ATP2B2: variants seen among roughly 807,000 people sequenced by gnomAD.
ATP2B2 encodes plasma membrane calcium-transporting ATPase 2.
In ATP2B2, 15 loss-of-function variants were observed where a neutral mutation model predicts 120.0. The ratio of observed to expected loss-of-function variants is 0.12; its 90% CI spans 0.08 to 0.19. ATP2B2 has a LOEUF of 0.19. Among genes scored for constraint, ATP2B2 ranks in the 10% least tolerant of loss-of-function variants. ATP2B2 has a pLI of 1.00. For synonymous variants in ATP2B2, 694 were observed against 700.3 expected (o/e 0.99, Z 0.14); for missense variants, 1,045 against 1,719.8 (o/e 0.61, Z 6.94).
chr3:10,501,258 C>T (rs1443698520), intron 1 of ATP2B2, among the ~76,000 whole-genome samples: 1 of 152,234 alleles, frequency 6.6e-6, no homozygotes, highest in Non-Finnish European at 1.5e-5. Context: ...CCGCTTCCCC[C>T]TGCCTCCCGC....
chr3:10,467,819 C>A (rs1395515070), intron 1 of ATP2B2, among the ~76,000 whole-genome samples: 2 of 152,110 alleles, frequency 1.3e-5, no homozygotes, highest in Admixed American at 6.5e-5. Flanking sequence ...AGCGTGAGAG[C>A]AGCAAAGTTT....
chr3:10,476,167 T>C (rs748699028), intron 1 of ATP2B2, among the ~76,000 whole-genome samples: 1 of 152,186 alleles, frequency 6.6e-6, no homozygotes, highest in Non-Finnish European at 1.5e-5. Flanking sequence ...CTGGTGAAAC[T>C]GGGAAGCATT....
At chr3:10,579,165 G>A (rs1158005971) in intron 2 of ATP2B2, among the ~76,000 whole-genome samples, 1 of 152,212 alleles carries the variant, frequency 6.6e-6, no homozygotes. Flanking sequence ...CATGAGTCCT[G>A]CTCATAGTGG....
chr3:10,427,356 C>T (rs1314616674), intron 2 of ATP2B2, among the ~76,000 whole-genome samples: 1 of 152,192 alleles, frequency 6.6e-6, no homozygotes, highest in Non-Finnish European at 1.5e-5. Flanking sequence ...GGTCATCACA[C>T]GAATTCGGAC....
At chr3:10,349,793 C>T (rs190670609) in intron 16 of ATP2B2, among the ~76,000 whole-genome samples, 94 of 152,214 alleles carry the variant, frequency 6.2e-4, no homozygotes, top group Middle Eastern at 3.4e-3. Flanking sequence ...TTTAAAAAGG[C>T]GCTGTACCGG....
rs184062138 is a variant in ATP2B2 at position 10,431,502 on chromosome 3, T to C, written c.199+17843A>G. 1.7e-3 allele frequency among the ~76,000 whole-genome samples: 252 copies of C among 152,288 alleles called. 2 individuals are homozygous for C. Among genetic ancestry groups the C allele is most frequent in the African/African-American group, 5.6e-3 (233 of 41,558 alleles). ...CTCAGACAATTGGTAGCATTGTGAG[T>C]GTGTGACTCACTTTATTGTGATATT... On this transcript the variant is annotated intron_variant, in intron 2 of 22. Coordinates refer to ENST00000360273, the MANE Select transcript of ATP2B2 (RefSeq NM_001001331.4).
At chr3:10,585,530 G>C (rs1431572591) in intron 2 of ATP2B2, among the ~76,000 whole-genome samples, 1 of 128,950 alleles carries the variant, frequency 7.8e-6, no homozygotes, top group Admixed American at 8.4e-5. Flanking sequence ...TCCAGTGAGA[G>C]CTCCATTCGC....
Position 10,386,545 on chromosome 3 carries a change from G to A in ATP2B2, c.908-33C>T. On this transcript the variant is annotated intron_variant, in intron 6 of 22. Transcript: ENST00000360273. ...ATGATTTTTGAGACATGTTAATGAAGGAGAAGCACACAGCCTCATCTGCCC... is the reference window on the plus strand; with the variant it reads ...ATGATTTTTGAGACATGTTAATGAAAGAGAAGCACACAGCCTCATCTGCCC... The A allele has an allele frequency of 3.1e-6, 5 of 1,613,672 alleles. No homozygotes were observed. The South Asian group carries it at 4.4e-5, about 14-fold the overall frequency.
chr3:10,391,897 T>C (rs1218610092), intron 5 of ATP2B2, among the ~76,000 whole-genome samples: 1 of 152,186 alleles, frequency 6.6e-6, no homozygotes, highest in Non-Finnish European at 1.5e-5. Context: ...CCTCTGCCTT[T>C]GGAGTGTGCA....
chr3:10,693,374 T>C (rs1204060646), intron 1 of ATP2B2, among the ~76,000 whole-genome samples: 1 of 152,214 alleles, frequency 6.6e-6, no homozygotes, highest in African/African-American at 2.4e-5. Flanking sequence ...CTAGCAGATA[T>C]GTGAGTGCCT....
chr3:10,542,796 T>A (rs1305769079), intron 2 of ATP2B2, among the ~76,000 whole-genome samples: 1 of 152,220 alleles, frequency 6.6e-6, no homozygotes, highest in Admixed American at 6.5e-5. Flanking sequence ...AATGTATTTT[T>A]TGTCTTGATG....
chr3:10,463,878 G>C (rs925835443), intron 1 of ATP2B2, among the ~76,000 whole-genome samples: 2 of 152,240 alleles, frequency 1.3e-5, no homozygotes, highest in Non-Finnish European at 2.9e-5. Flanking sequence ...GATCTGCCAG[G>C]AGGCAGCCCT....
intron 2 of ATP2B2, among the ~76,000 whole-genome samples, chr3:10,537,052 A>G (rs922089338): frequency 2.0e-5 from 3 of 152,140 alleles, no homozygotes; most frequent in African/African-American, 7.2e-5. Flanking sequence ...TAGGTTGGGC[A>G]TATTTGTGTG....
chr3:10,694,308 T>A (rs1401461586), intron 1 of ATP2B2, among the ~76,000 whole-genome samples: 1 of 152,236 alleles, frequency 6.6e-6, no homozygotes, highest in Non-Finnish European at 1.5e-5. Context: ...ACTACCCCTT[T>A]ACAGCCGAAT....
chr3:10,374,393 G>A (rs758360562), intron 11 of ATP2B2, among the ~76,000 whole-genome samples: 3 of 152,236 alleles, frequency 2.0e-5, no homozygotes, highest in African/African-American at 4.8e-5. Context: ...ACTTTCTGGC[G>A]TCTGTCTAGA....
intron 2 of ATP2B2, among the ~76,000 whole-genome samples, chr3:10,438,584 C>T (rs1229118577): frequency 6.6e-6 from 1 of 152,236 alleles, no homozygotes; most frequent in East Asian, 1.9e-4. Flanking sequence ...CACTAATTTC[C>T]ACTGACTATA....
At chr3:10,499,084 A>C (rs969515434) in intron 1 of ATP2B2, among the ~76,000 whole-genome samples, 9 of 152,206 alleles carry the variant, frequency 5.9e-5, no homozygotes, top group African/African-American at 2.2e-4. Context: ...ACAGTAGTAA[A>C]CACTGGCATT....
chr3:10,447,139 A>G (rs1575252504), intron 2 of ATP2B2, among the ~76,000 whole-genome samples: 2 of 152,236 alleles, frequency 1.3e-5, no homozygotes, highest in East Asian at 3.9e-4. Context: ...AGCTTGGGCT[A>G]CTCAGCTGTC....
At chr3:10,384,620 C>T (rs1452976292) in intron 8 of ATP2B2, among the ~76,000 whole-genome samples, 3 of 152,184 alleles carry the variant, frequency 2.0e-5, no homozygotes, top group African/African-American at 7.2e-5. Flanking sequence ...CACCCTCCAC[C>T]CCTGTGACCC....
Sources: allele counts gnomAD v4.1 joint callset (sites outside exome capture counted in the v4.1 genomes callset), GRCh38; gene constraint gnomAD v4.1.1; transcripts MANE v1.5; gene names NCBI Gene and HGNC (gene_info 2026-07-23, HGNC 2026-07-21).